SLC7A2: variants seen among roughly 807,000 people sequenced by gnomAD.
The protein encoded by SLC7A2 is cationic amino acid transporter 2.
A neutral mutation model predicts 58.9 loss-of-function variants in SLC7A2; 48 were observed. That is an observed-to-expected ratio of 0.82 (90% CI 0.65 to 1.04). SLC7A2 has a LOEUF of 1.04. Among genes scored for constraint, SLC7A2 ranks in the 50% least tolerant of loss-of-function variants. The probability of loss-of-function intolerance (pLI) is 0.00; values close to 1 mark genes in which losing one functional copy is unlikely to be tolerated. For missense variants in SLC7A2, 1,029 were observed against 818.8 expected, an observed-to-expected ratio of 1.26 and a Z score of -3.13; for synonymous variants, 363 against 314.5, an observed-to-expected ratio of 1.15 and a Z score of -1.63.
At chr8:17,552,194 G>T (rs1802486849) in intron 7 of SLC7A2, among the ~76,000 whole-genome samples, 1 of 152,128 alleles carries the variant, frequency 6.6e-6, no homozygotes, top group Non-Finnish European at 1.5e-5. Context: ...AGTTTTTTAA[G>T]ATAGTGATGG....
chr8:17,499,319 C>G (rs10888133), intron 1 of SLC7A2: 97,722 of 146,798 alleles, frequency 0.67, 33,808 homozygotes, highest in Admixed American at 0.75. Flanking sequence ...CTTCTCCCTC[C>G]TTTCTCTCTT....
chr8:17,567,434 T>G lies in SLC7A2; in HGVS notation c.*2288T>G, dbSNP rs1385185080. On this transcript the variant is annotated 3_prime_UTR_variant, in exon 13 of 13. Coordinates refer to ENST00000494857, the MANE Select transcript of SLC7A2 (RefSeq NM_001370338.1). ...TTTAGTGAAAAATTATTTTTCCACA[T>G]TGAAACACTTTGCAGACACAAATAT... 3 of 152,656 alleles carry G rather than the reference T, an allele frequency of 2.0e-5. No homozygotes were observed. Among genetic ancestry groups the G allele is most frequent in the Non-Finnish European group, 4.4e-5 (3 of 68,028 alleles). The allele number at this position is 152,656 out of a possible 1,614,324, so 9.5% of individuals were successfully genotyped here.
chr8:17,504,874 T>G (rs560050930), intron 2 of SLC7A2, among the ~76,000 whole-genome samples: 1 of 152,250 alleles, frequency 6.6e-6, no homozygotes, highest in African/African-American at 2.4e-5. Flanking sequence ...TGAAAGGCAT[T>G]TGCATGAATG....
At chr8:17,548,954 A>T in intron 5 of SLC7A2, 111 bp downstream of exon 5, 2 of 883,256 alleles carry the variant, frequency 2.3e-6, no homozygotes, top group Non-Finnish European at 3.5e-6. Flanking sequence ...TGACTGGGTA[A>T]TTTATAAGGA....
chr8:17,506,727 A>T (rs893100306), intron 2 of SLC7A2, among the ~76,000 whole-genome samples: 1 of 151,722 alleles, frequency 6.6e-6, no homozygotes, highest in Non-Finnish European at 1.5e-5. Flanking sequence ...GAAAACAAAT[A>T]ATAATTACTA....
intron 2 of SLC7A2, among the ~76,000 whole-genome samples, chr8:17,536,873 A>G (rs1207186030): frequency 2.0e-5 from 3 of 152,132 alleles, no homozygotes; most frequent in African/African-American, 7.2e-5. Context: ...CACTCTAAAT[A>G]GCTGAAGTGC....
chr8:17,557,909 AC>A (rs1802785551), intron 8 of SLC7A2, among the ~76,000 whole-genome samples: 1 of 152,158 alleles, frequency 6.6e-6, no homozygotes, highest in South Asian at 2.1e-4. Context: ...TAATGAAAGC[AC>A]CTTCTGTTTG....
intron 1 of SLC7A2, chr8:17,500,631 A>G (rs1053572681): frequency 1.3e-5 from 2 of 152,234 alleles, no homozygotes; most frequent in African/African-American, 2.4e-5. Context: ...AAAAATAAAA[A>G]TACAAAAATT....
chr8:17,529,722 A>T (rs1459788598), intron 2 of SLC7A2, among the ~76,000 whole-genome samples: 3 of 151,760 alleles, frequency 2.0e-5, no homozygotes, highest in Non-Finnish European at 4.4e-5. Flanking sequence ...TTTAGTAACG[A>T]TGGGGTTTTA....
intron 3 of SLC7A2, 124 bp downstream of exon 3, chr8:17,543,839 C>A: frequency 2.4e-6 from 2 of 839,904 alleles, no homozygotes; most frequent in Non-Finnish European, 3.4e-6. Context: ...TCATTTTTGT[C>A]ATCTCGAAAA....
In SLC7A2 at chr8:17,562,103, C is replaced by T; in HGVS notation, c.1664C>T (p.Ala555Val). The T allele has an allele frequency of 6.2e-7, 1 of 1,608,910 alleles. No individual in the cohort carries two copies. The highest frequency in any genetic ancestry group is 8.5e-7 in the Non-Finnish European group (1 of 1,177,858). ...WRQPQNQQKV[A>V]FMVPFLPFLP... Reference sequence around the variant, plus strand: ...CAGCCCCAGAATCAGCAAAAAGTAGCCTTCATGGTATGTGTAATGAGGATT... The same window carrying T: ...CAGCCCCAGAATCAGCAAAAAGTAGTCTTCATGGTATGTGTAATGAGGATT... The change falls in exon 11 of 13, where the codon GCC becomes GTC. Residue 555 changes from alanine (A) to valine (V), a missense_variant. Ala to Val is a moderately conservative substitution (Grantham distance 64). Coordinates refer to ENST00000494857, the MANE Select transcript of SLC7A2 (RefSeq NM_001370338.1).
rs751352399 is a variant in SLC7A2 at position 17,555,038 on chromosome 8, G to C, written c.1195+339G>C. ...AGATTTCTTGCCAGAGTGAGTAAGAGGCAGTCACCAGTTGCTGCCACGTTG... is the reference window on the plus strand; with the variant it reads ...AGATTTCTTGCCAGAGTGAGTAAGACGCAGTCACCAGTTGCTGCCACGTTG... On this transcript the variant is annotated intron_variant, in intron 8 of 12. Transcript: ENST00000494857. 3.7e-6 allele frequency: 6 copies of C among 1,613,870 alleles called. No homozygotes were observed. In the African/African-American group the frequency reaches 8.0e-5, roughly 22 times the overall value.
chr8:17,500,729 C>T (rs13248768), intron 1 of SLC7A2: 13,794 of 152,052 alleles, frequency 0.091, 757 homozygotes, highest in South Asian at 0.2. Context: ...GTGGAGGTTT[C>T]GGTGAGCCGA....
At chr8:17,496,736 G>A (rs974103211), upstream of SLC7A2, among the ~76,000 whole-genome samples, 5 of 152,050 alleles carry the variant, frequency 3.3e-5, no homozygotes, top group Admixed American at 1.3e-4. Flanking sequence ...AAGTAAACGG[G>A]GGGACCAAAA....
At chr8:17,556,864 C>A (rs931813154) in intron 8 of SLC7A2, among the ~76,000 whole-genome samples, 2 of 152,172 alleles carry the variant, frequency 1.3e-5, no homozygotes, top group Non-Finnish European at 2.9e-5. Context: ...CCGGCCCCGC[C>A]TCCCAAACTG....
intron 6 of SLC7A2, among the ~76,000 whole-genome samples, chr8:17,550,746 A>G (rs892828076): frequency 6.6e-6 from 1 of 152,238 alleles, no homozygotes; most frequent in Non-Finnish European, 1.5e-5. Context: ...CATTATTACC[A>G]TCCCTAACCT....
intron 2 of SLC7A2, chr8:17,520,709 A>T: frequency 1.2e-6 from 1 of 819,060 alleles, no homozygotes; most frequent in Non-Finnish European, 1.5e-6. Context: ...TTCATTACAA[A>T]AAAGTTTCAA....
At chr8:17,511,278 T>C (rs922684220) in intron 2 of SLC7A2, 1 of 152,096 alleles carries the variant, frequency 6.6e-6, no homozygotes, top group Admixed American at 6.6e-5. Flanking sequence ...AAAAAAAATC[T>C]ATAGAAAAAA....
At chr8:17,504,677 G>A (rs750965883) in intron 2 of SLC7A2, among the ~76,000 whole-genome samples, 3 of 152,116 alleles carry the variant, frequency 2.0e-5, no homozygotes, top group Admixed American at 6.5e-5. Context: ...ATTTGGAGAA[G>A]TTAAAGGTCA....
Sources: allele counts gnomAD v4.1 joint callset (sites outside exome capture counted in the v4.1 genomes callset), GRCh38; gene constraint gnomAD v4.1.1; transcripts MANE v1.5; gene names NCBI Gene and HGNC (gene_info 2026-07-23, HGNC 2026-07-21).